Variants in TENM2 observed in about 807,000 individuals in gnomAD.
TENM2 encodes teneurin-2.
A neutral mutation model predicts 245.2 loss-of-function variants in TENM2; 52 were observed. The observed-to-expected ratio is 0.21, with a 90% CI of 0.17 to 0.27. The LOEUF (loss-of-function observed/expected upper bound fraction) is 0.27. Among genes scored for constraint, TENM2 ranks in the 10% least tolerant of loss-of-function variants. TENM2 has a pLI of 1.00. For synonymous variants in TENM2, 1,363 were observed against 1,438.9 expected, an observed-to-expected ratio of 0.95 and a Z score of 1.19; for missense variants, 3,046 against 3,666.8, an observed-to-expected ratio of 0.83 and a Z score of 4.37.
chr5:167,107,515 A>G, the TENM2 span, among the ~76,000 whole-genome samples: 3 of 152,224 alleles, frequency 2.0e-5, no homozygotes, highest in African/African-American at 7.2e-5. Flanking sequence ...GGTATGATAT[A>G]TAGATAAAAT....
intron 2 of TENM2, among the ~76,000 whole-genome samples, chr5:167,861,189 C>G (rs1771770317): frequency 6.6e-6 from 1 of 152,182 alleles, no homozygotes; most frequent in South Asian, 2.1e-4. Context: ...TCCTTTCTCT[C>G]TCTTCTCCAT....
At chr5:167,361,583 A>T (rs1759721075) in intron 1 of TENM2, among the ~76,000 whole-genome samples, 1 of 152,224 alleles carries the variant, frequency 6.6e-6, no homozygotes, top group South Asian at 2.1e-4. Flanking sequence ...TAAAGGCCTT[A>T]AGTTCTTTTT....
rs768645448 is a variant in TENM2 at position 168,247,228 on chromosome 5, A to G, written c.6289A>G (p.Ser2097Gly). The change falls in exon 27 of 29, where the codon AGC (serine) becomes GGC (glycine). Residue 2097 changes from serine to glycine, a missense_variant. Coordinates refer to ENST00000518659, the Ensembl canonical transcript of TENM2. This position sits in a 1 kb window ranked among gnomAD's most constrained non-coding sequence, Gnocchi z 7.8. Reference sequence around the variant, plus strand: ...GTTTGACTACACCTATCATGACAACAGCTTCCGCATCGCAAGCATCAAGCC... The same window carrying G: ...GTTTGACTACACCTATCATGACAACGGCTTCCGCATCGCAAGCATCAAGCC... 3.1e-6 allele frequency: 5 copies of G among 1,613,786 alleles called. No individual in the cohort carries two copies. In the African/African-American group the frequency reaches 6.7e-5, roughly 22 times the overall value.
At chr5:167,956,681 AG>A (rs780425651) in intron 4 of TENM2, among the ~76,000 whole-genome samples, 6 of 152,184 alleles carry the variant, frequency 3.9e-5, no homozygotes, top group Non-Finnish European at 8.8e-5. Context: ...TTTAGCATGA[AG>A]GGGTGTTAAA....
the TENM2 span, among the ~76,000 whole-genome samples, chr5:167,244,871 TG>T: frequency 2.8e-4 from 43 of 152,124 alleles, 1 homozygote; most frequent in South Asian, 1.0e-3. Flanking sequence ...GGACAGCCTG[TG>T]GTATTTTCAA....
At chr5:167,146,145 TG>T in the TENM2 span, among the ~76,000 whole-genome samples, 5 of 152,182 alleles carry the variant, frequency 3.3e-5, no homozygotes, top group African/African-American at 1.2e-4. Context: ...CAAAGCTCTC[TG>T]CCAGTCCTTC....
chr5:167,985,963 C>T (rs1426033666), intron 4 of TENM2, among the ~76,000 whole-genome samples: 1 of 152,222 alleles, frequency 6.6e-6, no homozygotes. Flanking sequence ...AGTCAAGCTC[C>T]TTCTGTATCA....
At chr5:167,129,725 A>G in the TENM2 span, among the ~76,000 whole-genome samples, 6 of 152,198 alleles carry the variant, frequency 3.9e-5, no homozygotes, top group Admixed American at 1.3e-4. Context: ...ATAGAGCCAT[A>G]TAGGAAAACC....
the TENM2 span, among the ~76,000 whole-genome samples, chr5:167,001,104 AT>A: frequency 6.6e-6 from 1 of 152,034 alleles, no homozygotes. Flanking sequence ...CTACTTAAAC[AT>A]TTTTTTGAAA....
intron 2 of TENM2, among the ~76,000 whole-genome samples, chr5:167,477,900 GA>G (rs1012534439): frequency 6.6e-6 from 1 of 152,138 alleles, no homozygotes; most frequent in Non-Finnish European, 1.5e-5. Context: ...AAGAAAAAAA[GA>G]AGGAAGATAT....
chr5:167,459,990 A>T (rs910659492), intron 2 of TENM2, among the ~76,000 whole-genome samples: 2 of 152,086 alleles, frequency 1.3e-5, no homozygotes, highest in Admixed American at 1.3e-4. Flanking sequence ...AACATCAAAT[A>T]AACTTTTGTG....
the TENM2 span, among the ~76,000 whole-genome samples, chr5:167,115,603 C>A: frequency 6.6e-6 from 1 of 152,160 alleles, no homozygotes; most frequent in Non-Finnish European, 1.5e-5. Context: ...CAGTAGTTAG[C>A]TGGTTATAAA....
chr5:167,365,384 G>GAA (rs34858887), intron 1 of TENM2, among the ~76,000 whole-genome samples: 13 of 146,372 alleles, frequency 8.9e-5, no homozygotes, highest in Non-Finnish European at 1.7e-4. Context: ...AGAAGGATGA[G>GAA]AAAAAAAAAA....
chr5:167,053,662 G>A, the TENM2 span, among the ~76,000 whole-genome samples: 1 of 152,012 alleles, frequency 6.6e-6, no homozygotes, highest in Non-Finnish European at 1.5e-5. Flanking sequence ...CTTGACTTTA[G>A]GAGTTTGAGA....
At chr5:168,215,055 C>T in exon 21 of TENM2, 1 of 1,613,784 alleles carries the variant, frequency 6.2e-7, no homozygotes, top group Non-Finnish European at 8.5e-7. Flanking sequence ...ACCCAGCACA[C>T]AAGTACTACT....
chr5:167,598,060 C>T lies in TENM2; in HGVS notation c.502+222587C>T, dbSNP rs372206348. Among the ~76,000 whole-genome samples the T allele has an allele frequency of 1.7e-3, 261 of 152,278 alleles. 12 individuals are homozygous for T. In the South Asian group the frequency reaches 0.051, roughly 30 times the overall value. ...TCTTGGAGTCAGAGAGATTGGTCCACGGGAGACCAGTGAAGCATGAAGGAG... is the reference window on the plus strand; with the variant it reads ...TCTTGGAGTCAGAGAGATTGGTCCATGGGAGACCAGTGAAGCATGAAGGAG... On this transcript the variant is annotated intron_variant, in intron 2 of 28. Transcript: ENST00000518659.
At chr5:167,013,853 G>A in the TENM2 span, among the ~76,000 whole-genome samples, 1 of 152,136 alleles carries the variant, frequency 6.6e-6, no homozygotes, top group Non-Finnish European at 1.5e-5. Context: ...CTACTATGAG[G>A]CATAACTGAT....
At chr5:167,698,915 C>T (rs1401340602) in intron 2 of TENM2, among the ~76,000 whole-genome samples, 2 of 151,924 alleles carry the variant, frequency 1.3e-5, no homozygotes, top group Non-Finnish European at 2.9e-5. Flanking sequence ...ATCTCCTGAC[C>T]TTGTGATCTG....
intron 2 of TENM2, among the ~76,000 whole-genome samples, chr5:167,840,408 G>T (rs1414673318): frequency 6.6e-6 from 1 of 152,160 alleles, no homozygotes; most frequent in Non-Finnish European, 1.5e-5. Context: ...AGGAACACAT[G>T]TATTTCTCCC....
Sources: allele counts gnomAD v4.1 joint callset (sites outside exome capture counted in the v4.1 genomes callset), GRCh38; gene constraint gnomAD v4.1.1; non-coding constraint Gnocchi (gnomAD v3.1); transcripts MANE v1.5; gene names NCBI Gene and HGNC (gene_info 2026-07-23, HGNC 2026-07-21).